UNC13D: variants seen among roughly 807,000 people sequenced by gnomAD.
UNC13D encodes the protein protein unc-13 homolog D.
Under a neutral mutation model 151.7 loss-of-function variants are expected in UNC13D, and 115 were observed. The observed-to-expected ratio is 0.76, with a 90% CI of 0.65 to 0.88. UNC13D has a LOEUF of 0.88. Ranked by LOEUF, UNC13D falls within the 40% of genes least tolerant of loss-of-function variation. The pLI is 0.00. For synonymous variants in UNC13D, 588 were observed against 612.2 expected (o/e 0.96, Z 0.58); for missense variants, 1,369 against 1,438.7 (o/e 0.95, Z 0.78).
rs528709612 is a variant in UNC13D at position 75,829,877 on chromosome 17, T to C, written c.2954+151A>G. 1.4e-4 allele frequency: 179 copies of C among 1,248,810 alleles called. 1 individual carries two copies. In the South Asian group the frequency reaches 2.3e-3, roughly 16 times the overall value. The allele number at this position is 1,248,810 out of a possible 1,614,324, so 77.4% of individuals were successfully genotyped here. ...ACAGGTGTGAGCCACCACATCCAGC[T>C]GCAAACTCTTGTCCCAGATGCCCCA... On this transcript the variant is annotated intron_variant, in intron 30 of 31. Transcript: ENST00000207549.
In UNC13D at chr17:75,838,603, G is replaced by A. The variant is rs1470777798; in HGVS notation, c.1055+1236C>T. Among the ~76,000 whole-genome samples the A allele has an allele frequency of 5.9e-5, 9 of 152,262 alleles. No homozygotes were observed. In the East Asian group the frequency reaches 1.5e-3, roughly 26 times the overall value. On this transcript the variant is annotated intron_variant, in intron 12 of 31. Coordinates refer to ENST00000207549, the MANE Select transcript of UNC13D (RefSeq NM_199242.3). ...CTCCCCGGCATTCCTAGGACTTGAC[G>A]TGAGTTGCCCTCAACATAGATTTGT...
At chr17:75,839,767 A>C in intron 12 of UNC13D, 72 bp downstream of exon 12, 1 of 1,491,888 alleles carries the variant, frequency 6.7e-7, no homozygotes, top group Non-Finnish European at 9.3e-7. Flanking sequence ...ACTTTGGGCT[A>C]CCGGCTTGGA....
rs552278196 is a variant in UNC13D, at chr17:75,840,168, A to T, written c.858+57T>A. ...TCACACTGGGTGCAGCCAGCCCCGC[A>T]ACCCAGCAGACCGCCGCAAGAGCTG... On this transcript the variant is annotated intron_variant, in intron 10 of 31. Transcript: ENST00000207549. This position sits in a 1 kb window ranked among gnomAD's most constrained non-coding sequence, Gnocchi z 4.6. The T allele has an allele frequency of 6.2e-7, 1 of 1,611,898 alleles. No individual in the cohort carries two copies. The highest frequency in any genetic ancestry group is 1.1e-5 in the South Asian group (1 of 90,938).
Position 75,827,669 on chromosome 17 carries a change from C to T in UNC13D, c.*296G>A, listed in dbSNP as rs1172676937. The T allele has an allele frequency of 1.3e-6, 2 of 1,529,186 alleles. No individual in the cohort carries two copies. Among genetic ancestry groups the T allele is most frequent in the Non-Finnish European group, 1.7e-6 (2 of 1,143,762 alleles). The allele number at this position is 1,529,186 out of a possible 1,614,324, so 94.7% of individuals were successfully genotyped here. Reference sequence around the variant, plus strand: ...AGATGGCCCAATCCCCTGCCCACCACAGCAGCTTTTCTGAGAGGCGGGCAG... The same window carrying T: ...AGATGGCCCAATCCCCTGCCCACCATAGCAGCTTTTCTGAGAGGCGGGCAG... On this transcript the variant is annotated 3_prime_UTR_variant, in exon 32 of 32. Transcript: ENST00000207549.
chr17:75,836,733 C>G (rs1360663997), intron 13 of UNC13D, 37 bp from the exon 14 acceptor site: 1 of 1,613,278 alleles, frequency 6.2e-7, no homozygotes, highest in East Asian at 2.2e-5. Context: ...GCCTAGACAG[C>G]TGCTGCTGCT....
At chr17:75,844,010 C>T (rs1347241910) in intron 1 of UNC13D, 1 of 1,425,974 alleles carries the variant, frequency 7.0e-7, no homozygotes, top group South Asian at 1.5e-5. Flanking sequence ...AGCCTCAGAC[C>T]ACAGGGCCTG....
intron 1 of UNC13D, chr17:75,843,940 C>A: frequency 7.2e-7 from 1 of 1,389,378 alleles, no homozygotes; most frequent in South Asian, 1.6e-5. Context: ...GGAGTCGGCT[C>A]TTCTGAAGCT....
intron 12 of UNC13D, 53 bp from the exon 13 acceptor site, chr17:75,836,971 C>T: frequency 1.4e-6 from 2 of 1,388,068 alleles, no homozygotes; most frequent in South Asian, 2.4e-5. Context: ...ATTGCCTTCC[C>T]CTGTTCACCC....
Position 75,843,615 on chromosome 17 carries a change from T to C in UNC13D, c.118-96A>G, listed in dbSNP as rs757502644. On this transcript the variant is annotated intron_variant, in intron 1 of 31. Transcript: ENST00000207549. Reference sequence around the variant, plus strand: ...TCTGAGGCCTGATCCAGGCCAAGGGTATGGGGGCCCCAGCACCCCGGCCTC... The same window carrying C: ...TCTGAGGCCTGATCCAGGCCAAGGGCATGGGGGCCCCAGCACCCCGGCCTC... 15 of 1,553,056 alleles carry C rather than the reference T, an allele frequency of 9.7e-6. No homozygotes were observed. The Admixed American group carries it at 1.9e-4, about 20-fold the overall frequency.
At position 75,843,269 on chromosome 17, in the gene UNC13D, A is replaced by G. The variant is rs2143901310; in HGVS notation, c.154-3T>C. ...GCGTCCTCGTAGAGCAGGGCCCGCTAAGACACACGGGGTCACCTTGGGGAC... is the reference window on the plus strand; with the variant it reads ...GCGTCCTCGTAGAGCAGGGCCCGCTGAGACACACGGGGTCACCTTGGGGAC... On this transcript the variant is annotated splice_region_variant and splice_polypyrimidine_tract_variant and intron_variant, in intron 2 of 31. Coordinates refer to ENST00000207549, the MANE Select transcript of UNC13D (RefSeq NM_199242.3). 6.2e-7 allele frequency: 1 copy of G among 1,605,834 alleles called. No homozygotes were observed. The highest frequency in any genetic ancestry group is 8.5e-7 in the Non-Finnish European group (1 of 1,179,744).
chr17:75,843,394 G>T, intron 2 of UNC13D, 90 bp downstream of exon 2: 8 of 1,566,834 alleles, frequency 5.1e-6, no homozygotes, highest in Non-Finnish European at 6.1e-6. Context: ...CCTCCCCACC[G>T]CAAGTTGCTT....
intron 1 of UNC13D, chr17:75,843,807 G>A: frequency 1.4e-6 from 2 of 1,388,520 alleles, no homozygotes; most frequent in Non-Finnish European, 1.9e-6. Context: ...ATCAGTGGCG[G>A]CTGCTCCTCA....
intron 30 of UNC13D, 87 bp from the exon 31 acceptor site, chr17:75,829,070 C>T: frequency 6.6e-7 from 1 of 1,508,586 alleles, no homozygotes; most frequent in Non-Finnish European, 8.9e-7. Flanking sequence ...GTGTTGGGAA[C>T]CAGCCAGGGT....
intron 6 of UNC13D, 135 bp downstream of exon 6, chr17:75,842,298 C>G: frequency 8.0e-7 from 1 of 1,248,100 alleles, no homozygotes; most frequent in South Asian, 1.5e-5. Context: ...TGGAGATGGG[C>G]TTCTCCTCTA....
Position 75,844,365 on chromosome 17 carries a change from G to C in UNC13D, c.-28C>G. ...TGGCCTTCTCTGCCCTTCCCTGTCC[G>C]CTGGTGCTGGGTGAAGACAGCGAAG... On this transcript the variant is annotated 5_prime_UTR_variant, in exon 1 of 32. Transcript: ENST00000207549. 1.9e-6 allele frequency: 3 copies of C among 1,589,074 alleles called. No homozygotes were observed. The highest frequency in any genetic ancestry group is 1.7e-4 in the Middle Eastern group (1 of 5,916).
At chr17:75,844,172 C>T in intron 1 of UNC13D, 49 bp downstream of exon 1, 1 of 1,600,694 alleles carries the variant, frequency 6.2e-7, no homozygotes, top group Non-Finnish European at 8.5e-7. Flanking sequence ...GTACCCGAGA[C>T]CACAGTGCTC....
chr17:75,837,038 C>A, intron 12 of UNC13D, 120 bp from the exon 13 acceptor site: 2 of 836,796 alleles, frequency 2.4e-6, no homozygotes, highest in East Asian at 2.5e-5. Flanking sequence ...AAACTAGTGG[C>A]TCAACAGGAC....
At chr17:75,842,070 G>A (rs139018416) in intron 6 of UNC13D, among the ~76,000 whole-genome samples, 1 of 152,122 alleles carries the variant, frequency 6.6e-6, no homozygotes, top group East Asian at 1.9e-4. Flanking sequence ...TAGTAGAGAT[G>A]GGGTTTTGCC....
intron 1 of UNC13D, 95 bp from the exon 2 acceptor site, chr17:75,843,614 G>T: frequency 1.9e-6 from 3 of 1,554,732 alleles, no homozygotes; most frequent in Non-Finnish European, 2.6e-6. Context: ...CAGGCCAAGG[G>T]TATGGGGGCC....
Sources: gnomAD v4.1 joint callset for allele counts (sites outside exome capture counted in the v4.1 genomes callset) on GRCh38, gnomAD v4.1.1 for gene constraint, Gnocchi (gnomAD v3.1) non-coding constraint, MANE v1.5 for transcripts, NCBI Gene and HGNC (gene_info 2026-07-23, HGNC 2026-07-21) for gene names.